The following SEPTIN2 variants were observed in gnomAD, a reference collection of about 807,000 sequenced individuals.
SEPTIN2 encodes septin-2.
SEPTIN2 carries 34 observed loss-of-function variants against 46.5 expected under a neutral mutation model. That is an observed-to-expected ratio of 0.73 (90% CI 0.56 to 0.97). SEPTIN2 has a LOEUF of 0.97. Ranked by LOEUF, SEPTIN2 falls within the 50% of genes least tolerant of loss-of-function variation. The pLI, the probability that SEPTIN2 is intolerant of heterozygous loss-of-function variation, is 0.00. For missense variants in SEPTIN2, 347 were observed against 448.4 expected, an observed-to-expected ratio of 0.77 and a Z score of 2.04; for synonymous variants, 175 against 153.4, an observed-to-expected ratio of 1.14 and a Z score of -1.04.
chr2:241,343,928 A>G, intron 9 of SEPTIN2, 31 bp downstream of exon 9: 1 of 1,611,910 alleles, frequency 6.2e-7, no homozygotes, highest in East Asian at 2.2e-5. Context: ...CTTCTGGCAG[A>G]ATTTGGCGTG....
At chr2:241,338,893 T>TTA (rs1215527650) in intron 7 of SEPTIN2, among the ~76,000 whole-genome samples, 6 of 80,678 alleles carry the variant, frequency 7.4e-5, no homozygotes, top group East Asian at 5.1e-4. Flanking sequence ...ATAATATATA[T>TTA]TATATATATT....
At chr2:241,325,031 A>G (rs2077715193) in intron 2 of SEPTIN2, 2 of 151,720 alleles carry the variant, frequency 1.3e-5, no homozygotes, top group South Asian at 4.2e-4. Flanking sequence ...TCATCATACC[A>G]GTTTTTGCAT....
At chr2:241,321,485 A>AT (rs1281640521) in intron 1 of SEPTIN2, among the ~76,000 whole-genome samples, 1 of 151,462 alleles carries the variant, frequency 6.6e-6, no homozygotes, top group Non-Finnish European at 1.5e-5. Flanking sequence ...CTAGCCTGCT[A>AT]TTTTTTACCT....
At chr2:241,316,923 T>G (rs556885187) in intron 1 of SEPTIN2, 2 of 174,900 alleles carry the variant, frequency 1.1e-5, no homozygotes, top group South Asian at 1.7e-4. Flanking sequence ...CAGACAGGCT[T>G]AGGTGTTTAC....
chr2:241,326,160 C>T (rs1371848522), intron 3 of SEPTIN2, 47 bp downstream of exon 3: 1 of 1,555,936 alleles, frequency 6.4e-7, no homozygotes. Flanking sequence ...AAATATCTCC[C>T]CTTTCCAATC....
chr2:241,329,477 CATT>C (rs2078617108), intron 3 of SEPTIN2, among the ~76,000 whole-genome samples: 1 of 152,140 alleles, frequency 6.6e-6, no homozygotes, highest in Non-Finnish European at 1.5e-5. Flanking sequence ...ATTAAGCCAG[CATT>C]ATCCTATTAC....
chr2:241,319,982 A>G (rs1462776181), intron 1 of SEPTIN2, among the ~76,000 whole-genome samples: 1 of 151,860 alleles, frequency 6.6e-6, no homozygotes, highest in African/African-American at 2.4e-5. Flanking sequence ...TTTTTCCCCT[A>G]TACTGTGTTG....
intron 1 of SEPTIN2, chr2:241,316,553 GAGGCACGGACAGGC>G: frequency 6.6e-7 from 1 of 1,517,496 alleles, no homozygotes; most frequent in Non-Finnish European, 8.8e-7. Context: ...CTGCACCAGC[GAGGCACGGACAGGC>G]AGCAGGGGGT....
At chr2:241,342,081 C>A (rs1276953323) in intron 7 of SEPTIN2, among the ~76,000 whole-genome samples, 1 of 152,192 alleles carries the variant, frequency 6.6e-6, no homozygotes, top group Non-Finnish European at 1.5e-5. Flanking sequence ...ATACAGATCC[C>A]CAGGTCGCTA....
At chr2:241,339,682 C>T (rs2150109291) in intron 7 of SEPTIN2, among the ~76,000 whole-genome samples, 1 of 152,226 alleles carries the variant, frequency 6.6e-6, no homozygotes, top group South Asian at 2.1e-4. Flanking sequence ...ACCAAATTTA[C>T]TGTTTCTTTG....
intron 1 of SEPTIN2, 22 bp downstream of exon 1, chr2:241,316,004 C>T (rs1446870253): frequency 3.3e-5 from 5 of 152,860 alleles, no homozygotes; most frequent in Admixed American, 2.6e-4. Flanking sequence ...GCCGGTGTAC[C>T]CCGCACAAGT....
intron 10 of SEPTIN2, 163 bp downstream of exon 10, chr2:241,346,412 C>G: frequency 2.0e-6 from 1 of 491,218 alleles, no homozygotes; most frequent in Non-Finnish European, 3.6e-6. Flanking sequence ...AAATTATGCT[C>G]TTTTAGCCTT....
intron 1 of SEPTIN2, chr2:241,320,205 G>C: frequency 2.1e-6 from 1 of 471,098 alleles, no homozygotes; most frequent in Non-Finnish European, 4.4e-6. Flanking sequence ...CTCTGTAGAG[G>C]CTTGGAATAG....
intron 4 of SEPTIN2, chr2:241,335,427 CTT>C (rs1238971828): frequency 6.1e-6 from 8 of 1,320,964 alleles, no homozygotes; most frequent in Non-Finnish European, 7.5e-6. Context: ...TCCATCCTCT[CTT>C]GAGTTTGTCT....
chr2:241,340,338 T>C (rs141571334), intron 7 of SEPTIN2, among the ~76,000 whole-genome samples: 82 of 152,336 alleles, frequency 5.4e-4, no homozygotes, highest in African/African-American at 1.9e-3. Context: ...ACACATATAC[T>C]TATTTTTAGA....
At chr2:241,334,865 A>C (rs143717840) in intron 3 of SEPTIN2, among the ~76,000 whole-genome samples, 49 of 152,350 alleles carry the variant, frequency 3.2e-4, no homozygotes, top group African/African-American at 1.1e-3. Context: ...TTCTAATTAT[A>C]TGATGTTCAA....
chr2:241,330,648 A>G (rs1442930967), intron 3 of SEPTIN2, among the ~76,000 whole-genome samples: 1 of 152,232 alleles, frequency 6.6e-6, no homozygotes, highest in Non-Finnish European at 1.5e-5. Context: ...CAATGAGATC[A>G]TATATAATAA....
intron 2 of SEPTIN2, chr2:241,325,184 C>A (rs540417755): frequency 6.6e-6 from 1 of 152,214 alleles, no homozygotes; most frequent in African/African-American, 2.4e-5. Context: ...AAAATGTAAT[C>A]CTAAAGGAAA....
Position 241,321,558 on chromosome 2 carries a change from C to T in SEPTIN2, c.-17-2658C>T, listed in dbSNP as rs576752165. 8.6e-5 allele frequency among the ~76,000 whole-genome samples: 13 copies of T among 151,938 alleles called. 1 individual carries two copies. In the South Asian group the frequency reaches 2.1e-3, roughly 24 times the overall value. On this transcript the variant is annotated intron_variant, in intron 1 of 12. Transcript: ENST00000391971. ...TTTAAGCATATACGTTATAGCTGGA[C>T]GGTTTGTTGTTTTTGTTTTTTTTTT... is the stretch of plus-strand genomic sequence containing the variant.
Sources: gnomAD v4.1 joint callset for allele counts (sites outside exome capture counted in the v4.1 genomes callset) on GRCh38, gnomAD v4.1.1 for gene constraint, MANE v1.5 for transcripts, NCBI Gene and HGNC (gene_info 2026-07-23, HGNC 2026-07-21) for gene names.